Variants in SPOCK3 observed in about 807,000 individuals in gnomAD.
SPOCK3 encodes testican-3.
SPOCK3 carries 30 observed loss-of-function variants against 56.6 expected under a neutral mutation model. That is an observed-to-expected ratio of 0.53 (90% CI 0.40 to 0.72). The LOEUF is 0.72. Among genes scored for constraint, SPOCK3 ranks in the 30% least tolerant of loss-of-function variants. The pLI, the probability that SPOCK3 is intolerant of heterozygous loss-of-function variation, is 0.00. For missense variants in SPOCK3, 527 were observed against 530.0 expected (o/e 0.99, Z 0.06); for synonymous variants, 196 against 183.3 (o/e 1.07, Z -0.56).
intron 6 of SPOCK3, among the ~76,000 whole-genome samples, chr4:166,847,520 G>C (rs1221542240): frequency 6.6e-6 from 1 of 151,310 alleles, no homozygotes; most frequent in African/African-American, 2.4e-5. Flanking sequence ...TGTTGTGATG[G>C]TATGAGCAGC....
chr4:166,855,821 C>T lies in SPOCK3; in HGVS notation c.589+33309G>A, dbSNP rs551186576. On this transcript the variant is annotated intron_variant, in intron 6 of 10. Coordinates refer to ENST00000357545, the MANE Select transcript of SPOCK3 (RefSeq NM_001040159.2). ...TGGAAATTTGTATTTCTAATTCTAC[C>T]AAGTTTCTAACACTTTCTCAGGTGA... Among the ~76,000 whole-genome samples, 5 of 152,132 alleles carry T rather than the reference C, an allele frequency of 3.3e-5. No homozygotes were observed. In the South Asian group the frequency reaches 1.0e-3, roughly 32 times the overall value.
intron 2 of SPOCK3, among the ~76,000 whole-genome samples, chr4:167,135,378 G>A (rs815238): frequency 1 from 152,188 of 152,276 alleles, 76,050 homozygotes; most frequent in Middle Eastern, 1. Context: ...GTAATTCCCA[G>A]TCTTACCATT....
intron 6 of SPOCK3, among the ~76,000 whole-genome samples, chr4:166,886,643 A>G (rs538325701): frequency 6.6e-6 from 1 of 152,286 alleles, no homozygotes; most frequent in African/African-American, 2.4e-5. Flanking sequence ...TCTGATCTTA[A>G]CATAGGAAAA....
At chr4:166,956,268 A>G (rs1743460950) in intron 4 of SPOCK3, among the ~76,000 whole-genome samples, 1 of 152,000 alleles carries the variant, frequency 6.6e-6, no homozygotes. Flanking sequence ...CATATATGTG[A>G]TAAAATTTGA....
At chr4:167,046,682 T>C (rs751355297) in intron 3 of SPOCK3, among the ~76,000 whole-genome samples, 1 of 151,970 alleles carries the variant, frequency 6.6e-6, no homozygotes, top group Non-Finnish European at 1.5e-5. Context: ...GGTCTCGAAC[T>C]CCTACCTCAT....
At position 167,205,160 on chromosome 4, in the gene SPOCK3, A is replaced by C. The variant is rs1169320896; in HGVS notation, c.189+28825T>G. 1.5e-3 allele frequency among the ~76,000 whole-genome samples: 161 copies of C among 109,918 alleles called. 1 individual carries two copies. The highest frequency in any genetic ancestry group is 4.4e-3 in the African/African-American group (122 of 28,036). 72.1% of individuals were successfully genotyped at this position (109,918 alleles called of 152,430 possible). A position where few individuals can be genotyped will look rare whatever the true frequency, so the allele number is the denominator to read the frequency against. On this transcript the variant is annotated intron_variant, in intron 2 of 10. Transcript: ENST00000357545. ...ATACATATATATATATTTTATATAT[A>C]TATAATATATATTATATATTATAGA...
chr4:166,855,298 A>C (rs768038046), intron 6 of SPOCK3, among the ~76,000 whole-genome samples: 3 of 152,184 alleles, frequency 2.0e-5, no homozygotes, highest in African/African-American at 7.2e-5. Context: ...AAAAAATAAA[A>C]AAAAATGCAG....
At chr4:167,105,463 T>TAAAAAAAAAAAAAAAAAACAAAAAAAA (rs552028589) in intron 2 of SPOCK3, among the ~76,000 whole-genome samples, 1 of 98,690 alleles carries the variant, frequency 1.0e-5, no homozygotes, top group African/African-American at 4.2e-5. Context: ...ACACAAAAAT[T>TAAAAAAAAAAAAAAAAAACAAAAAAAA]AAAAAAAAAA....
chr4:166,957,063 G>T (rs1162112381), intron 4 of SPOCK3, among the ~76,000 whole-genome samples: 3 of 152,108 alleles, frequency 2.0e-5, no homozygotes, highest in African/African-American at 7.2e-5. Flanking sequence ...AGACCAGCCT[G>T]GCCAACATGG....
chr4:167,127,932 A>G (rs1271615599), intron 2 of SPOCK3, among the ~76,000 whole-genome samples: 1 of 152,196 alleles, frequency 6.6e-6, no homozygotes, highest in Non-Finnish European at 1.5e-5. Context: ...TCAGAGGAAG[A>G]CCTTTGAAAC....
At chr4:167,160,857 A>C (rs1235175203) in intron 2 of SPOCK3, among the ~76,000 whole-genome samples, 5 of 152,222 alleles carry the variant, frequency 3.3e-5, no homozygotes, top group African/African-American at 1.2e-4. Context: ...CTGAAACTGC[A>C]TCCCTTCCTT....
intron 2 of SPOCK3, chr4:167,119,863 T>G: frequency 2.6e-6 from 4 of 1,527,070 alleles, no homozygotes; most frequent in Non-Finnish European, 3.5e-6. Context: ...CAAATAATCG[T>G]TTTTCTTCTT....
chr4:167,158,518 A>G (rs1329379662), intron 2 of SPOCK3, among the ~76,000 whole-genome samples: 2 of 151,968 alleles, frequency 1.3e-5, no homozygotes, highest in South Asian at 4.1e-4. Context: ...TATACACAAA[A>G]GATCATTCTC....
intron 2 of SPOCK3, among the ~76,000 whole-genome samples, chr4:167,169,154 G>A (rs1297007670): frequency 6.6e-6 from 1 of 152,196 alleles, no homozygotes; most frequent in Non-Finnish European, 1.5e-5. Flanking sequence ...CTAGGGCAGT[G>A]CAGAAGGGAA....
chr4:166,820,567 A>G (rs1411139851), intron 6 of SPOCK3, among the ~76,000 whole-genome samples: 3 of 152,062 alleles, frequency 2.0e-5, no homozygotes, highest in Admixed American at 6.6e-5. Context: ...TTTAAGAGTT[A>G]AAACCTAGCA....
At chr4:166,768,339 C>T (rs1738428300) in intron 7 of SPOCK3, among the ~76,000 whole-genome samples, 1 of 152,142 alleles carries the variant, frequency 6.6e-6, no homozygotes, top group Non-Finnish European at 1.5e-5. Flanking sequence ...ATTGTTCCTT[C>T]CATGTTTAGT....
At chr4:166,773,371 G>T (rs1739171863) in intron 7 of SPOCK3, among the ~76,000 whole-genome samples, 1 of 152,084 alleles carries the variant, frequency 6.6e-6, no homozygotes, top group Admixed American at 6.6e-5. Flanking sequence ...ATTGTTATGA[G>T]ACTGTAATGA....
intron 2 of SPOCK3, among the ~76,000 whole-genome samples, chr4:167,171,387 T>C (rs936855423): frequency 6.6e-6 from 1 of 152,258 alleles, no homozygotes; most frequent in East Asian, 1.9e-4. Context: ...GCAGGTTAGC[T>C]TCCAAGAGTG....
intron 2 of SPOCK3, among the ~76,000 whole-genome samples, chr4:167,157,795 G>A (rs940854184): frequency 6.6e-6 from 1 of 151,422 alleles, no homozygotes; most frequent in African/African-American, 2.4e-5. Context: ...CGTAGTTTTG[G>A]TTTCTCAGAT....
Sources: gnomAD v4.1 joint callset for allele counts (sites outside exome capture counted in the v4.1 genomes callset) on GRCh38, gnomAD v4.1.1 for gene constraint, MANE v1.5 for transcripts, NCBI Gene and HGNC (gene_info 2026-07-23, HGNC 2026-07-21) for gene names.